Variants in SPATA6L observed in about 807,000 individuals in gnomAD.
The protein encoded by SPATA6L is spermatogenesis associated 6-like protein.
A neutral mutation model predicts 49.2 loss-of-function variants in SPATA6L; 68 were observed. That is an observed-to-expected ratio of 1.38 (90% CI 1.14 to 1.69). The LOEUF (loss-of-function observed/expected upper bound fraction) is 1.69, where lower values mean the gene tolerates loss of function less well. Among genes scored for constraint, SPATA6L ranks in the 40% most tolerant of loss-of-function variants. The probability of loss-of-function intolerance (pLI) is 0.00; values close to 1 mark genes in which losing one functional copy is unlikely to be tolerated. For missense variants in SPATA6L, 668 were observed against 464.3 expected (o/e 1.44, Z -4.03); for synonymous variants, 198 against 165.7 (o/e 1.19, Z -1.50).
intron 9 of SPATA6L, among the ~76,000 whole-genome samples, chr9:4,617,185 G>C (rs999367560): frequency 1.3e-5 from 2 of 152,124 alleles, no homozygotes; most frequent in African/African-American, 4.8e-5. Context: ...TTGGTACGTG[G>C]AGTTTGCTTC....
intron 9 of SPATA6L, among the ~76,000 whole-genome samples, chr9:4,612,112 C>T (rs750922591): frequency 2.6e-5 from 4 of 151,914 alleles, no homozygotes; most frequent in Non-Finnish European, 4.4e-5. Flanking sequence ...AGAGCTGGGA[C>T]TACAGGTATG....
rs534349282 is a variant in SPATA6L, at chr9:4,635,824, G to A, written c.227-425C>T. Among the ~76,000 whole-genome samples the A allele has an allele frequency of 3.3e-5, 5 of 152,230 alleles. No individual in the cohort carries two copies. The South Asian group carries it at 6.2e-4, about 19-fold the overall frequency. On this transcript the variant is annotated intron_variant, in intron 3 of 11. Coordinates refer to ENST00000682582, the MANE Select transcript of SPATA6L (RefSeq NM_001353486.2). ...GTTCTGTGATGCATGGATGCCAAGGGCCCAGATGACAGCTACAGCTGTGAT... is the reference window on the plus strand; with the variant it reads ...GTTCTGTGATGCATGGATGCCAAGGACCCAGATGACAGCTACAGCTGTGAT...
At chr9:4,635,089 C>T (rs1185484788) in intron 4 of SPATA6L, among the ~76,000 whole-genome samples, 186 bp downstream of exon 4, 2 of 152,130 alleles carry the variant, frequency 1.3e-5, no homozygotes, top group Non-Finnish European at 2.9e-5. Context: ...ATAAAACTTC[C>T]ACCTCTCAGA....
chr9:4,645,258 G>GAATATTAA (rs1835109726), intron 3 of SPATA6L, among the ~76,000 whole-genome samples: 1 of 152,152 alleles, frequency 6.6e-6, no homozygotes, highest in African/African-American at 2.4e-5. Flanking sequence ...ACAACAATTT[G>GAATATTAA]TACATTAATA....
intron 1 of SPATA6L, chr9:4,664,851 C>A (rs965594204): frequency 2.4e-5 from 4 of 167,124 alleles, no homozygotes; most frequent in Non-Finnish European, 5.9e-5. Flanking sequence ...AAATCATTTG[C>A]ATTCCCACAG....
chr9:4,602,362 T>C (rs1823550879), intron 11 of SPATA6L, among the ~76,000 whole-genome samples: 1 of 152,140 alleles, frequency 6.6e-6, no homozygotes, highest in Non-Finnish European at 1.5e-5. Flanking sequence ...ATCCGTCCTT[T>C]AATCTAGCAA....
At chr9:4,603,153 C>T (rs963107750) in intron 11 of SPATA6L, among the ~76,000 whole-genome samples, 7 of 152,122 alleles carry the variant, frequency 4.6e-5, no homozygotes, top group East Asian at 1.9e-4. Context: ...TTACTGCGAC[C>T]GGGCACGGTG....
At chr9:4,652,229 T>C (rs1837065526) in intron 3 of SPATA6L, among the ~76,000 whole-genome samples, 1 of 151,962 alleles carries the variant, frequency 6.6e-6, no homozygotes, top group South Asian at 2.1e-4. Flanking sequence ...AAGATCAGCC[T>C]GACAAACATG....
chr9:4,604,114 G>T, intron 11 of SPATA6L, 65 bp downstream of exon 11: 1 of 1,118,938 alleles, frequency 8.9e-7, no homozygotes, highest in Non-Finnish European at 1.3e-6. Flanking sequence ...GGAGGAAACT[G>T]AAATTCTTTT....
Position 4,635,255 on chromosome 9 carries a change from G to C in SPATA6L, c.351+20C>G. 1 of 1,502,836 alleles carries C rather than the reference G, an allele frequency of 6.7e-7. No individual in the cohort carries two copies. Among genetic ancestry groups the C allele is most frequent in the Non-Finnish European group, 8.8e-7 (1 of 1,136,970 alleles). 93.1% of individuals were successfully genotyped at this position (1,502,836 alleles called of 1,614,324 possible). A position where few individuals can be genotyped will look rare whatever the true frequency, so the allele number is the denominator to read the frequency against. On this transcript the variant is annotated intron_variant, in intron 4 of 11. Coordinates refer to ENST00000682582, the MANE Select transcript of SPATA6L (RefSeq NM_001353486.2). ...GAGTTTCTCTCCTAATAGAAGCCCA[G>C]ATGAGCATGAATCACTTACTGGAAA... is the stretch of plus-strand genomic sequence containing the variant.
At chr9:4,625,190 T>G in intron 6 of SPATA6L, 137 bp downstream of exon 6, 1 of 1,389,642 alleles carries the variant, frequency 7.2e-7, no homozygotes, top group Non-Finnish European at 9.4e-7. Flanking sequence ...CATAATTTAA[T>G]CACAATTATT....
intron 9 of SPATA6L, among the ~76,000 whole-genome samples, chr9:4,615,078 C>G (rs548174145): frequency 1.3e-5 from 2 of 152,110 alleles, no homozygotes; most frequent in Non-Finnish European, 2.9e-5. Context: ...GCCCCTGCCT[C>G]CCACCTGCCA....
intron 3 of SPATA6L, among the ~76,000 whole-genome samples, chr9:4,644,182 GCAAAAAAAAAAAA>G (rs1446718690): frequency 4.0e-5 from 2 of 49,394 alleles, no homozygotes; most frequent in African/African-American, 9.4e-5. Context: ...TGCCATCTCT[GCAAAAAAAAAAAA>G]AAAAAAAAAA....
At position 4,635,336 on chromosome 9, in the gene SPATA6L, A is replaced by G. The variant is rs1832578090; in HGVS notation, c.290T>C (p.Leu97Pro). The stretch of plus-strand genomic sequence containing the variant: ...ACACCTCCTAGGGTGCGAAGGTGTC[A>G]GCTTGGGCTCTGGGAAAAGAAAATC... ...TRDFLFPEPK[L>P]TPSHPRRCRE... Residue 97 changes from leucine to proline, a missense_variant, in exon 4 of 12, where the codon CTG (leucine) becomes CCG (proline). Transcript: ENST00000682582. 2 of 1,590,588 alleles carry G rather than the reference A, an allele frequency of 1.3e-6. No homozygotes were observed. The highest frequency in any genetic ancestry group is 1.8e-5 in the Admixed American group (1 of 54,872).
chr9:4,660,307 T>C (rs1416278405), intron 2 of SPATA6L, among the ~76,000 whole-genome samples: 4 of 152,104 alleles, frequency 2.6e-5, no homozygotes, highest in Non-Finnish European at 4.4e-5. Context: ...ATATCCAGAA[T>C]CTACAAAGAA....
chr9:4,602,053 C>A (rs1444335283), intron 11 of SPATA6L, among the ~76,000 whole-genome samples: 2 of 152,076 alleles, frequency 1.3e-5, no homozygotes, highest in African/African-American at 4.8e-5. Flanking sequence ...ATGGAGACTT[C>A]CAGAGAAGGT....
intron 3 of SPATA6L, 130 bp downstream of exon 3, chr9:4,655,911 C>T (rs1045204164): frequency 3.1e-5 from 23 of 731,052 alleles, no homozygotes; most frequent in African/African-American, 1.4e-4. Flanking sequence ...TCAAATTTTA[C>T]GTAGGCTGTC....
At chr9:4,666,065 G>A (rs1258176072) in intron 1 of SPATA6L, 147 bp downstream of exon 1, 5 of 616,946 alleles carry the variant, frequency 8.1e-6, no homozygotes, top group Non-Finnish European at 5.4e-6. Context: ...AACCAATATG[G>A]AGAAAAAGAC....
chr9:4,606,015 G>A (rs1586961876), intron 9 of SPATA6L, among the ~76,000 whole-genome samples: 2 of 152,092 alleles, frequency 1.3e-5, no homozygotes, highest in East Asian at 3.9e-4. Flanking sequence ...CAAGGGGTCA[G>A]GCAGTTCCCT....
Sources: gnomAD v4.1 joint callset for allele counts (sites outside exome capture counted in the v4.1 genomes callset) on GRCh38, gnomAD v4.1.1 for gene constraint, MANE v1.5 for transcripts, NCBI Gene and HGNC (gene_info 2026-07-23, HGNC 2026-07-21) for gene names.